Variants in AOX1 observed in about 807,000 individuals in gnomAD.
AOX1 encodes aldehyde oxidase 1.
AOX1 carries 153 observed loss-of-function variants against 169.5 expected under a neutral mutation model. That is an observed-to-expected ratio of 0.90 (90% confidence interval 0.79 to 1.03). The LOEUF (loss-of-function observed/expected upper bound fraction) is 1.03, where lower values mean the gene tolerates loss of function less well. Among genes scored for constraint, AOX1 ranks in the 50% least tolerant of loss-of-function variants. AOX1 has a pLI of 0.00. For synonymous variants in AOX1, 562 were observed against 581.9 expected (o/e 0.97, Z 0.49); for missense variants, 1,656 against 1,663.9 (o/e 1.00, Z 0.08).
intron 20 of AOX1, among the ~76,000 whole-genome samples, chr2:200,630,614 AAAGGAAAGAC>A (rs2033230085): frequency 6.7e-6 from 1 of 150,244 alleles, no homozygotes; most frequent in Non-Finnish European, 1.5e-5. Flanking sequence ...GAAGAAAAGA[AAAGGAAAGAC>A]AAGGGAAGGG....
chr2:200,590,896 C>T (rs898927590), intron 1 of AOX1, among the ~76,000 whole-genome samples: 1 of 152,140 alleles, frequency 6.6e-6, no homozygotes, highest in African/African-American at 2.4e-5. Flanking sequence ...CTGCCATTAA[C>T]ATGTTGCCTC....
chr2:200,634,943 A>G, intron 21 of AOX1, 28 bp downstream of exon 21: 2 of 1,607,016 alleles, frequency 1.2e-6, no homozygotes, highest in Middle Eastern at 1.7e-4. Context: ...TGGAGAGGAC[A>G]TGGCTAAATG....
downstream of AOX1, among the ~76,000 whole-genome samples, chr2:200,675,848 G>T (rs2036090443): frequency 6.6e-6 from 1 of 151,068 alleles, no homozygotes. Context: ...TTGAGGCATG[G>T]AGAACCTAAG....
At chr2:200,627,631 A>G (rs1260757638) in intron 20 of AOX1, among the ~76,000 whole-genome samples, 182 bp downstream of exon 20, 1 of 152,084 alleles carries the variant, frequency 6.6e-6, no homozygotes, top group Non-Finnish European at 1.5e-5. Flanking sequence ...CCAAGAGCCA[A>G]TGGGGAGGCA....
At chr2:200,636,193 G>A (rs781499310) in intron 21 of AOX1, among the ~76,000 whole-genome samples, 5 of 130,968 alleles carry the variant, frequency 3.8e-5, no homozygotes, top group African/African-American at 8.6e-5. Flanking sequence ...CAGTGGTGCC[G>A]TCTCAGCTCA....
Position 200,608,999 on chromosome 2 carries a change from C to T in AOX1, c.923C>T (p.Ala308Val), listed in dbSNP as rs1310195574. The change falls in exon 11 of 35, where the codon GCT (alanine) becomes GTT (valine). Residue 308 changes from alanine to valine, a missense_variant. By Grantham distance (64) the Ala-to-Val change is moderately conservative (BLOSUM62 0). Transcript: ENST00000374700. ...NHAYNGLTLGAGLSLAQVKDI... is the reference protein window; with the variant it reads ...NHAYNGLTLGVGLSLAQVKDI... ...TTCATTTCAGGACTCACCCTTGGTG[C>T]TGGTCTCAGCCTAGCCCAGGTGAAG... The T allele has an allele frequency of 1.2e-6, 2 of 1,613,802 alleles. No homozygotes were observed. Among genetic ancestry groups the T allele is most frequent in the Admixed American group, 3.3e-5 (2 of 59,930 alleles).
At chr2:200,649,170 AC>A (rs2035527879) in intron 25 of AOX1, among the ~76,000 whole-genome samples, 1 of 150,682 alleles carries the variant, frequency 6.6e-6, no homozygotes, top group Non-Finnish European at 1.5e-5. Context: ...GTGGAGTTTC[AC>A]CCCCTACTTC....
intron 25 of AOX1, 151 bp downstream of exon 25, chr2:200,642,952 C>T: frequency 1.4e-6 from 1 of 737,772 alleles, no homozygotes; most frequent in South Asian, 2.0e-5. Context: ...GGAGCCCAGA[C>T]TCCAAAGTTC....
chr2:200,612,088 C>T (rs904076214), intron 13 of AOX1, among the ~76,000 whole-genome samples: 7 of 152,180 alleles, frequency 4.6e-5, no homozygotes, highest in Admixed American at 1.3e-4. Context: ...ATAAGCCTTT[C>T]TCCCTAAATA....
chr2:200,649,974 G>A (rs986968162), intron 25 of AOX1, among the ~76,000 whole-genome samples: 82 of 152,182 alleles, frequency 5.4e-4, no homozygotes, highest in Non-Finnish European at 1.6e-4. Flanking sequence ...CGGGCAGCTG[G>A]CACAGCATTC....
intron 30 of AOX1, among the ~76,000 whole-genome samples, chr2:200,662,134 A>T (rs1418265753): frequency 6.6e-6 from 1 of 152,224 alleles, no homozygotes. Context: ...ATTTTAATGG[A>T]AAGTGAAAGC....
At chr2:200,665,474 C>G (rs1279701144) in intron 31 of AOX1, among the ~76,000 whole-genome samples, 1 of 152,178 alleles carries the variant, frequency 6.6e-6, no homozygotes, top group Non-Finnish European at 1.5e-5. Context: ...CTCTGTTGCC[C>G]AGGCTGGAGT....
chr2:200,653,434 A>G (rs2035620056), intron 26 of AOX1, among the ~76,000 whole-genome samples: 1 of 152,190 alleles, frequency 6.6e-6, no homozygotes, highest in Admixed American at 6.5e-5. Context: ...GGAATTTGTA[A>G]TCTCCACTTG....
intron 20 of AOX1, among the ~76,000 whole-genome samples, chr2:200,630,265 G>A (rs1422354324): frequency 6.8e-6 from 1 of 147,654 alleles, no homozygotes; most frequent in Non-Finnish European, 1.5e-5. Context: ...GCTCTTGCCT[G>A]TAATCCCAGA....
intron 32 of AOX1, 139 bp downstream of exon 32, chr2:200,666,891 G>A (rs572279464): frequency 2.0e-6 from 1 of 507,484 alleles, no homozygotes; most frequent in East Asian, 3.2e-5. Context: ...ACCAACTGCA[G>A]AGCTCAAATG....
chr2:200,650,848 A>G (rs1173451099), intron 25 of AOX1, 126 bp from the exon 26 acceptor site: 1 of 744,006 alleles, frequency 1.3e-6, no homozygotes, highest in Non-Finnish European at 2.2e-6. Flanking sequence ...AGGCTTCCAC[A>G]AGGACTCAGT....
intron 31 of AOX1, among the ~76,000 whole-genome samples, chr2:200,664,938 G>C (rs199525292): frequency 2.0e-5 from 3 of 152,164 alleles, no homozygotes; most frequent in Non-Finnish European, 4.4e-5. Flanking sequence ...CATGAGGCTT[G>C]TCAAGCTGTG....
intron 10 of AOX1, among the ~76,000 whole-genome samples, chr2:200,606,386 G>A (rs1194926093): frequency 6.6e-6 from 1 of 152,196 alleles, no homozygotes; most frequent in Non-Finnish European, 1.5e-5. Context: ...GGTTACTGTA[G>A]TCTTGTAGTA....
chr2:200,643,021 G>C (rs2035385039), intron 25 of AOX1, among the ~76,000 whole-genome samples: 2 of 152,022 alleles, frequency 1.3e-5, no homozygotes, highest in South Asian at 4.2e-4. Context: ...AGATCCTGAG[G>C]ACTGAGCACT....
Sources: allele counts gnomAD v4.1 joint callset (sites outside exome capture counted in the v4.1 genomes callset), GRCh38; gene constraint gnomAD v4.1.1; transcripts MANE v1.5; gene names NCBI Gene and HGNC (gene_info 2026-07-23, HGNC 2026-07-21).